The following SRGAP1 variants were observed in gnomAD, a reference collection of about 807,000 sequenced individuals.
SRGAP1 encodes SLIT-ROBO Rho GTPase activating protein 1.
Under a neutral mutation model 121.9 loss-of-function variants are expected in SRGAP1, and 43 were observed. That is an observed-to-expected ratio of 0.35 (90% CI 0.28 to 0.46). The LOEUF (loss-of-function observed/expected upper bound fraction) is 0.46, where lower values mean the gene tolerates loss of function less well. SRGAP1 is among the 20% of genes least tolerant of loss of function. The pLI is 1.00. For synonymous variants in SRGAP1, 447 were observed against 485.4 expected (o/e 0.92, Z 1.04); for missense variants, 1,102 against 1,350.9 (o/e 0.82, Z 2.89).
intron 4 of SRGAP1, among the ~76,000 whole-genome samples, chr12:64,040,487 G>A (rs1229704622): frequency 3.3e-5 from 5 of 152,120 alleles, no homozygotes; most frequent in South Asian, 2.1e-4. Flanking sequence ...TGTGCTCCTC[G>A]ATACATCCTT....
intron 1 of SRGAP1, among the ~76,000 whole-genome samples, chr12:63,861,798 GC>G (rs1899461972): frequency 6.6e-6 from 1 of 152,014 alleles, no homozygotes; most frequent in Non-Finnish European, 1.5e-5. Flanking sequence ...ACCAGCCTGG[GC>G]AACATAGTGA....
intron 1 of SRGAP1, among the ~76,000 whole-genome samples, chr12:63,945,267 GTTTT>G (rs1555243104): frequency 6.9e-6 from 1 of 144,960 alleles, no homozygotes; most frequent in Non-Finnish European, 1.5e-5. Context: ...CTTTCTGTTT[GTTTT>G]TTTTTTTTAA....
chr12:64,140,448 G>A (rs1450992647), intron 21 of SRGAP1, among the ~76,000 whole-genome samples: 21 of 146,962 alleles, frequency 1.4e-4, no homozygotes, highest in Admixed American at 1.4e-4. Context: ...TCCTTGAAGA[G>A]GTCCTTCACA....
intron 1 of SRGAP1, among the ~76,000 whole-genome samples, chr12:63,905,358 G>A (rs193129029): frequency 2.2e-4 from 33 of 152,298 alleles, no homozygotes; most frequent in Non-Finnish European, 2.9e-4. Flanking sequence ...ATTCTCTTGA[G>A]TTCTTTGAGT....
chr12:63,951,202 C>CA (rs1176251516), intron 1 of SRGAP1, among the ~76,000 whole-genome samples: 1 of 106,078 alleles, frequency 9.4e-6, no homozygotes, highest in Admixed American at 1.4e-4. Flanking sequence ...CTTGCTCTGT[C>CA]ACCCAGGCTG....
chr12:64,069,288 A>G (rs1383714372), intron 8 of SRGAP1, among the ~76,000 whole-genome samples: 1 of 152,204 alleles, frequency 6.6e-6, no homozygotes, highest in African/African-American at 2.4e-5. Flanking sequence ...ACACTTGTGA[A>G]ATGGCCTCAG....
chr12:63,849,970 G>A (rs547850272), intron 1 of SRGAP1, among the ~76,000 whole-genome samples: 3 of 152,302 alleles, frequency 2.0e-5, no homozygotes, highest in East Asian at 3.9e-4. Flanking sequence ...AACTAAGAGA[G>A]CAAGGAAACC....
chr12:63,976,332 C>T (rs1275413155), intron 1 of SRGAP1, among the ~76,000 whole-genome samples: 2 of 152,126 alleles, frequency 1.3e-5, no homozygotes, highest in Non-Finnish European at 2.9e-5. Flanking sequence ...TTATAACTCT[C>T]CTTCTCTCCT....
intron 4 of SRGAP1, among the ~76,000 whole-genome samples, chr12:64,031,886 A>G (rs1593061616): frequency 6.6e-6 from 1 of 152,312 alleles, no homozygotes. Context: ...TGTCATCTCT[A>G]ATAGATGAGG....
At chr12:63,952,728 C>T (rs935606812) in intron 1 of SRGAP1, among the ~76,000 whole-genome samples, 1 of 152,050 alleles carries the variant, frequency 6.6e-6, no homozygotes, top group Admixed American at 6.5e-5. Flanking sequence ...TTACAAAGAG[C>T]CCTGAGTGGA....
At chr12:64,122,575 G>A (rs550718133) in intron 18 of SRGAP1, among the ~76,000 whole-genome samples, 10 of 152,246 alleles carry the variant, frequency 6.6e-5, no homozygotes, top group South Asian at 6.2e-4. Context: ...GAATAAATAA[G>A]CAGAGTCTGA....
intron 1 of SRGAP1, among the ~76,000 whole-genome samples, chr12:63,930,134 A>G (rs1256352401): frequency 1.3e-5 from 2 of 152,156 alleles, no homozygotes; most frequent in African/African-American, 4.8e-5. Context: ...TTTCCTAAGA[A>G]TTACTGATGT....
chr12:63,983,800 ATATAT>A (rs2033322778), intron 1 of SRGAP1, 142 bp from the exon 2 acceptor site: 1 of 832 alleles, frequency 1.2e-3, no homozygotes, highest in South Asian at 0.042. Flanking sequence ...CATTTAAAAT[ATATAT>A]ATATATATAT....
intron 1 of SRGAP1, among the ~76,000 whole-genome samples, chr12:63,928,602 A>G (rs2031349071): frequency 6.6e-6 from 1 of 151,508 alleles, no homozygotes; most frequent in African/African-American, 2.4e-5. Flanking sequence ...GTGGTCCCCA[A>G]CCTTTTTGGC....
chr12:63,919,018 G>T (rs1260919106), intron 1 of SRGAP1, among the ~76,000 whole-genome samples: 2 of 151,904 alleles, frequency 1.3e-5, no homozygotes, highest in East Asian at 1.9e-4. Flanking sequence ...TCGTATTTTG[G>T]TTTTTTTGGG....
At chr12:63,971,517 G>A (rs2032946927) in intron 1 of SRGAP1, among the ~76,000 whole-genome samples, 1 of 152,112 alleles carries the variant, frequency 6.6e-6, no homozygotes, top group African/African-American at 2.4e-5. Context: ...GTAAAAGCTG[G>A]ATGTTTGTGC....
At chr12:64,142,250 CATT>C in intron 21 of SRGAP1, 42 bp from the exon 22 acceptor site, 1 of 1,584,834 alleles carries the variant, frequency 6.3e-7, no homozygotes, top group Non-Finnish European at 8.6e-7. Flanking sequence ...CATTAGTATT[CATT>C]ATCAGTCTGT....
chr12:63,863,561 C>T (rs1000242342), intron 1 of SRGAP1, among the ~76,000 whole-genome samples: 7 of 152,100 alleles, frequency 4.6e-5, no homozygotes, highest in South Asian at 4.2e-4. Context: ...CGTGAGCCAC[C>T]GCGCCCAGCC....
At chr12:64,075,373 G>C (rs962795126) in intron 8 of SRGAP1, among the ~76,000 whole-genome samples, 6 of 152,228 alleles carry the variant, frequency 3.9e-5, no homozygotes, top group African/African-American at 1.4e-4. Context: ...GGGCGGGCCA[G>C]GTGTTCCTTG....
Sources: gnomAD v4.1 joint callset for allele counts (sites outside exome capture counted in the v4.1 genomes callset) on GRCh38, gnomAD v4.1.1 for gene constraint, MANE v1.5 for transcripts, NCBI Gene and HGNC (gene_info 2026-07-23, HGNC 2026-07-21) for gene names.